Variants in PORCN observed in about 807,000 individuals in gnomAD.
PORCN encodes protein-serine O-palmitoleoyltransferase porcupine.
Under a neutral mutation model 43.0 loss-of-function variants are expected in PORCN, and 1 was observed. The observed-to-expected ratio is 0.02, with a 90% CI of 0.01 to 0.11. The LOEUF is 0.11. Ranked by LOEUF, PORCN falls within the 10% of genes least tolerant of loss-of-function variation. PORCN has a pLI of 1.00. For synonymous variants in PORCN, 148 were observed against 166.4 expected (o/e 0.89, Z 0.85); for missense variants, 240 against 392.1 (o/e 0.61, Z 3.28).
In PORCN at chrX:48,509,974, C is replaced by T. The variant is rs782392206; in HGVS notation, c.136+18C>T. 4.3e-6 allele frequency: 5 copies of T among 1,151,057 alleles called. No homozygotes were observed. In the South Asian group the frequency reaches 5.4e-5, roughly 12 times the overall value. 94.9% of individuals were successfully genotyped at this position (1,151,057 alleles called of 1,213,427 possible). On this transcript the variant is annotated intron_variant, in intron 2 of 14. Transcript: ENST00000326194. ...GAGGCTCGGTAAGTGCCTGCCATACCGTGTGCCACCATGCCAGGCCATATC... is the reference window on the plus strand; with the variant it reads ...GAGGCTCGGTAAGTGCCTGCCATACTGTGTGCCACCATGCCAGGCCATATC...
chrX:48,513,024 G>C (rs986426490), intron 7 of PORCN, among the ~76,000 whole-genome samples, 172 bp downstream of exon 7: 1 of 112,258 alleles, frequency 8.9e-6, no homozygotes, highest in Non-Finnish European at 1.9e-5. Context: ...GACTCTGTTT[G>C]ACTGACACTC....
At position 48,511,496 on chromosome X, in the gene PORCN, A is replaced by G. The variant is rs2061675463; in HGVS notation, c.329+9A>G. On this transcript the variant is annotated intron_variant, in intron 3 of 14. Coordinates refer to ENST00000326194, the MANE Select transcript of PORCN (RefSeq NM_203475.3). ...ATCTACCTACTCATGGGGTATGAGTATGCATCCTTATCCTCACACTGTTGG... is the reference window on the plus strand; with the variant it reads ...ATCTACCTACTCATGGGGTATGAGTGTGCATCCTTATCCTCACACTGTTGG... 3.3e-6 allele frequency: 4 copies of G among 1,194,705 alleles called. No homozygotes were observed. The highest frequency in any genetic ancestry group is 4.5e-6 in the Non-Finnish European group (4 of 881,618).
At chrX:48,512,928 CTG>C (rs2061687150) in intron 7 of PORCN, 76 bp downstream of exon 7, 1 of 1,134,475 alleles carries the variant, frequency 8.8e-7, no homozygotes, top group Admixed American at 2.2e-5. Context: ...CCAATGGGTT[CTG>C]TGTGTCCAAG....
At chrX:48,516,403 A>C (rs1379892693) in intron 13 of PORCN, among the ~76,000 whole-genome samples, 1 of 111,890 alleles carries the variant, frequency 8.9e-6, no homozygotes, top group East Asian at 2.8e-4. Flanking sequence ...TGCTGGAGAC[A>C]CGGTGAATGA....
chrX:48,511,635 G>A (rs1209935830), intron 3 of PORCN, 148 bp downstream of exon 3: 4 of 605,620 alleles, frequency 6.6e-6, no homozygotes, highest in East Asian at 6.5e-5. Flanking sequence ...CCTATGAGGA[G>A]ACACAGAACA....
chrX:48,514,186 T>TATG lies in PORCN; in HGVS notation c.719+47_719+48insGAT, dbSNP rs1569478247. Reference sequence around the variant, plus strand: ...CCCAGGATGCTGACATGTGGTGGGGTATCATGTTGGGACCTGAACGTGATG... The same window carrying TATG: ...CCCAGGATGCTGACATGTGGTGGGGTATGATCATGTTGGGACCTGAACGTGATG... On this transcript the variant is annotated intron_variant, in intron 8 of 14. Coordinates refer to ENST00000326194, the MANE Select transcript of PORCN (RefSeq NM_203475.3). 4 of 1,211,517 alleles carry TATG rather than the reference T, an allele frequency of 3.3e-6. No homozygotes were observed. In the South Asian group the frequency reaches 7.0e-5, roughly 21 times the overall value.
chrX:48,520,675 G>A lies in PORCN; in HGVS notation c.*199G>A, dbSNP rs1305645859. The A allele has an allele frequency of 2.1e-6, 1 of 465,417 alleles. No homozygotes were observed. Among genetic ancestry groups the A allele is most frequent in the African/African-American group, 2.4e-5 (1 of 42,295 alleles). 38.4% of individuals were successfully genotyped at this position (465,417 alleles called of 1,213,427 possible). ...TCCCCACCCCACCACAAGGCAGGAA[G>A]GGGGTGGTGCCTGCTGGGGCCTAGA... On this transcript the variant is annotated 3_prime_UTR_variant, in exon 15 of 15. Transcript: ENST00000326194.
At chrX:48,510,227 A>G (rs782151419) in intron 2 of PORCN, among the ~76,000 whole-genome samples, 2 of 111,318 alleles carry the variant, frequency 1.8e-5, no homozygotes, top group African/African-American at 6.5e-5. Context: ...GAGTTCTGGG[A>G]TTCCAGAAAG....
intron 1 of PORCN, 152 bp from the exon 2 acceptor site, chrX:48,509,632 T>C: frequency 8.8e-7 from 1 of 1,141,740 alleles, no homozygotes; most frequent in Non-Finnish European, 1.2e-6. Context: ...CAGTCTGATG[T>C]ACCTGACTTC....
chrX:48,511,743 G>C, intron 3 of PORCN, 149 bp from the exon 4 acceptor site: 2 of 597,271 alleles, frequency 3.3e-6, no homozygotes, highest in East Asian at 3.3e-5. Flanking sequence ...CCCTGGAGGA[G>C]GGAGCCTGGG....
rs1247727749 is a variant in PORCN, at chrX:48,512,646, G to T, written c.613G>T (p.Val205Leu). Reference sequence around the variant, plus strand: ...CCTGGCACTGGCCCTGCTGTGCCTTGTGCTGTCCACTTGCGTGGGCCCCTA... The same window carrying T: ...CCTGGCACTGGCCCTGCTGTGCCTTTTGCTGTCCACTTGCGTGGGCCCCTA... Reference protein sequence around the residue: ...RSLALALLCLVLSTCVGPYLF... With the variant: ...RSLALALLCLLLSTCVGPYLF... Residue 205 changes from valine (V) to leucine (L), a missense_variant, in exon 6 of 15, where the codon GTG becomes TTG. Physicochemically the swap from Val to Leu is conservative, Grantham distance 32. Coordinates refer to ENST00000326194, the MANE Select transcript of PORCN (RefSeq NM_203475.3). 1 of 1,209,613 alleles carries T rather than the reference G, an allele frequency of 8.3e-7. No individual in the cohort carries two copies. The highest frequency in any genetic ancestry group is 1.1e-6 in the Non-Finnish European group (1 of 894,902).
In PORCN at chrX:48,514,024, A is replaced by G. The variant is rs1332791106; in HGVS notation, c.705-103A>G. The G allele has an allele frequency of 6.2e-6, 6 of 975,185 alleles. No individual in the cohort carries two copies. The African/African-American group carries it at 9.6e-5, about 16-fold the overall frequency. The allele number at this position is 975,185 out of a possible 1,213,427, so 80.4% of individuals were successfully genotyped here. A position where few individuals can be genotyped will look rare whatever the true frequency, so the allele number is the denominator to read the frequency against. ...ATCATAGTTCACCTTTTTTGTGGCT[A>G]CATTTCATCTGTCTTGTCTGAACAA... On this transcript the variant is annotated intron_variant, in intron 7 of 14. Coordinates refer to ENST00000326194, the MANE Select transcript of PORCN (RefSeq NM_203475.3).
intron 14 of PORCN, 142 bp downstream of exon 14, chrX:48,517,435 C>A: frequency 2.1e-6 from 1 of 475,996 alleles, no homozygotes; most frequent in Non-Finnish European, 3.8e-6. Context: ...GCTCCTCGGT[C>A]CTTTCCCATA....
At position 48,520,552 on chromosome X, in the gene PORCN, T is replaced by C; in HGVS notation, c.*76T>C. 1.4e-6 allele frequency: 1 copy of C among 725,014 alleles called. No homozygotes were observed. The highest frequency in any genetic ancestry group is 2.2e-5 in the South Asian group (1 of 46,276). 59.7% of individuals were successfully genotyped at this position (725,014 alleles called of 1,213,427 possible). A position where few individuals can be genotyped will look rare whatever the true frequency, so the allele number is the denominator to read the frequency against. On this transcript the variant is annotated 3_prime_UTR_variant, in exon 15 of 15. Transcript: ENST00000326194. ...ACTGATGGGGGATGAGGGAAGGCCC[T>C]CTCTCTACTCCTTGACCCCCTCCAT... is the stretch of plus-strand genomic sequence containing the variant.
rs192546852 is a variant in PORCN, at chrX:48,520,384, A to C, written c.1294A>C (p.Met432Leu). 4.9e-5 allele frequency: 59 copies of C among 1,204,566 alleles called. No individual in the cohort carries two copies. The highest frequency in any genetic ancestry group is 3.7e-5 in the Non-Finnish European group (33 of 890,570). ...DDTTEEQGYG[M>L]AYTVHKWSEL... is the part of the protein sequence containing the mutation. Reference sequence around the variant, plus strand: ...TCTTTCTCTCCCACAGGGCTACGGCATGGCATACACTGTCCACAAGTGGTC... The same window carrying C: ...TCTTTCTCTCCCACAGGGCTACGGCCTGGCATACACTGTCCACAAGTGGTC... Residue 432 changes from methionine to leucine, a missense_variant, in exon 15 of 15, where the codon ATG (methionine) becomes CTG (leucine). Transcript: ENST00000326194.
Position 48,520,504 on chromosome X carries a change from C to T in PORCN, c.*28C>T. The stretch of plus-strand genomic sequence containing the variant: ...CACATCTGTGGACCCTCATAACCCT[C>T]TTAAGACCCCTCTCAGGGTGCCACT... On this transcript the variant is annotated 3_prime_UTR_variant, in exon 15 of 15. Coordinates refer to ENST00000326194, the MANE Select transcript of PORCN (RefSeq NM_203475.3). 9.2e-7 allele frequency: 1 copy of T among 1,091,374 alleles called. No individual in the cohort carries two copies. Among genetic ancestry groups the T allele is most frequent in the Non-Finnish European group, 1.3e-6 (1 of 786,321 alleles). 89.9% of individuals were successfully genotyped at this position (1,091,374 alleles called of 1,213,427 possible).
chrX:48,509,150 G>T (rs2061655251), intron 1 of PORCN, 47 bp downstream of exon 1: 3 of 146,688 alleles, frequency 2.0e-5, no homozygotes, highest in African/African-American at 9.2e-5. Flanking sequence ...CCCATCCCTG[G>T]GCCGGCCTCC....
intron 4 of PORCN, 148 bp from the exon 5 acceptor site, chrX:48,512,178 G>A: frequency 1.6e-6 from 1 of 642,966 alleles, no homozygotes; most frequent in Admixed American, 2.7e-5. Flanking sequence ...ATCTGTCCTG[G>A]GCTTCCTTGC....
At position 48,512,372 on chromosome X, in the gene PORCN, C is replaced by T. The variant is rs1204024074; in HGVS notation, c.420C>T (p.Asp140=). 1 of 1,210,392 alleles carries T rather than the reference C, an allele frequency of 8.3e-7. No homozygotes were observed. The highest frequency in any genetic ancestry group is 2.2e-5 in the Admixed American group (1 of 45,848). Residue 140 remains aspartate (D), a synonymous_variant, in exon 5 of 15, where the codon GAC becomes GAT. Transcript: ENST00000326194. ...TGAAGGCAGTGTCTCTGGGCTTCGA[C>T]CTGGACCGGGGCGAGGTGGGTACGG... is the stretch of plus-strand genomic sequence containing the variant. ...VAMKAVSLGF[D]LDRGEVGTVP...
Sources: allele counts gnomAD v4.1 joint callset (sites outside exome capture counted in the v4.1 genomes callset), GRCh38; gene constraint gnomAD v4.1.1; transcripts MANE v1.5; gene names NCBI Gene and HGNC (gene_info 2026-07-23, HGNC 2026-07-21).